CCDC171: variants seen among roughly 807,000 people sequenced by gnomAD.
CCDC171 encodes coiled-coil domain containing 171.
CCDC171 carries 177 observed loss-of-function variants against 168.2 expected under a neutral mutation model. That is an observed-to-expected ratio of 1.05 (90% CI 0.93 to 1.19). The LOEUF (loss-of-function observed/expected upper bound fraction) is 1.19, where lower values mean the gene tolerates loss of function less well. Among genes scored for constraint, CCDC171 ranks in the 50% most tolerant of loss-of-function variants. CCDC171 has a pLI of 0.00. For synonymous variants in CCDC171, 687 were observed against 540.8 expected, an observed-to-expected ratio of 1.27 and a Z score of -3.75; for missense variants, 1,991 against 1,539.0, an observed-to-expected ratio of 1.29 and a Z score of -4.91.
At chr9:16,077,197 C>T in the CCDC171 span, among the ~76,000 whole-genome samples, 1 of 152,070 alleles carries the variant, frequency 6.6e-6, no homozygotes, top group African/African-American at 2.4e-5. Flanking sequence ...GAGGTGGTGT[C>T]ATGGAATCTA....
In CCDC171 at chr9:15,848,882, A is replaced by C. The variant is rs201157516; in HGVS notation, c.3414-11A>C. The stretch of plus-strand genomic sequence containing the variant: ...GAGTTTTACTAACACTTAATCTTTT[A>C]TTTTTTCTAGAGACAAAGAATGTGT... On this transcript the variant is annotated splice_polypyrimidine_tract_variant and intron_variant, in intron 22 of 25. Transcript: ENST00000380701. The C allele has an allele frequency of 6.6e-7, 1 of 1,523,438 alleles. No individual in the cohort carries two copies. Among genetic ancestry groups the C allele is most frequent in the African/African-American group, 1.4e-5 (1 of 72,060 alleles). The allele number at this position is 1,523,438 out of a possible 1,614,324, so 94.4% of individuals were successfully genotyped here.
chr9:15,851,029 T>C (rs936525245), intron 23 of CCDC171, among the ~76,000 whole-genome samples: 1 of 152,056 alleles, frequency 6.6e-6, no homozygotes, highest in South Asian at 2.1e-4. Context: ...AGTTGAATTT[T>C]AATACTAACT....
chr9:15,925,540 C>G (rs1261093763), intron 25 of CCDC171, among the ~76,000 whole-genome samples: 1 of 151,534 alleles, frequency 6.6e-6, no homozygotes. Flanking sequence ...GAGGAATGAG[C>G]TCAGATTTGC....
At chr9:15,881,376 G>T (rs933986316) in intron 24 of CCDC171, among the ~76,000 whole-genome samples, 6 of 151,948 alleles carry the variant, frequency 3.9e-5, no homozygotes, top group Non-Finnish European at 8.8e-5. Flanking sequence ...CATGGTTTTA[G>T]GGTACATGTG....
At chr9:15,956,038 C>T (rs897747235) in intron 25 of CCDC171, among the ~76,000 whole-genome samples, 2 of 152,142 alleles carry the variant, frequency 1.3e-5, no homozygotes, top group Admixed American at 1.3e-4. Flanking sequence ...GGGCAATTTC[C>T]TAATTACTTA....
intron 11 of CCDC171, among the ~76,000 whole-genome samples, chr9:15,704,866 C>G (rs993843662): frequency 3.9e-5 from 6 of 152,066 alleles, no homozygotes; most frequent in Admixed American, 2.0e-4. Flanking sequence ...ATGCCTCTAA[C>G]CCTGGCCTTC....
chr9:15,618,458 G>A (rs866159463), intron 6 of CCDC171, among the ~76,000 whole-genome samples: 1 of 152,314 alleles, frequency 6.6e-6, no homozygotes, highest in South Asian at 2.1e-4. Flanking sequence ...GCTAGGCTCC[G>A]TGGGAGTGGG....
chr9:16,020,023 A>G (rs1833119887), intron 3 of CCDC171, among the ~76,000 whole-genome samples: 1 of 152,242 alleles, frequency 6.6e-6, no homozygotes, highest in South Asian at 2.1e-4. Flanking sequence ...CAAGAACCCC[A>G]GTGGAAGCTT....
intron 11 of CCDC171, among the ~76,000 whole-genome samples, chr9:15,697,765 G>A (rs995061317): frequency 6.6e-6 from 1 of 152,202 alleles, no homozygotes; most frequent in Non-Finnish European, 1.5e-5. Flanking sequence ...TGCTGGTGGA[G>A]AGTCTTGCCT....
chr9:16,084,923 C>T, the CCDC171 span, among the ~76,000 whole-genome samples: 16 of 152,296 alleles, frequency 1.1e-4, no homozygotes, highest in South Asian at 3.1e-3. Context: ...GGGCCTTGAC[C>T]AACTCACTTA....
chr9:15,553,696 G>C (rs979772243), intron 1 of CCDC171: 1 of 152,182 alleles, frequency 6.6e-6, no homozygotes, highest in Non-Finnish European at 1.5e-5. Flanking sequence ...ACAGATGTTT[G>C]ATAAACGGGA....
intron 23 of CCDC171, among the ~76,000 whole-genome samples, chr9:15,867,546 T>A (rs2061842607): frequency 1.3e-5 from 2 of 152,044 alleles, no homozygotes; most frequent in South Asian, 4.1e-4. Context: ...TTAACACAGC[T>A]GGCTTGCTGA....
At chr9:15,927,060 C>T (rs540913810) in intron 25 of CCDC171, among the ~76,000 whole-genome samples, 1 of 151,664 alleles carries the variant, frequency 6.6e-6, no homozygotes, top group Non-Finnish European at 1.5e-5. Flanking sequence ...AAACATATGT[C>T]ATGTCATTGT....
At chr9:15,957,430 C>T (rs1165721572) in intron 25 of CCDC171, among the ~76,000 whole-genome samples, 2 of 152,170 alleles carry the variant, frequency 1.3e-5, no homozygotes, top group Non-Finnish European at 2.9e-5. Flanking sequence ...GTCTCACTTT[C>T]TCCCTCATTG....
intron 24 of CCDC171, among the ~76,000 whole-genome samples, chr9:15,900,059 A>G (rs1280961247): frequency 6.6e-6 from 1 of 152,210 alleles, no homozygotes; most frequent in Non-Finnish European, 1.5e-5. Flanking sequence ...TGCAGTAATC[A>G]GAATTCTAAG....
At chr9:15,602,642 TTTTTC>T (rs1352921015) in intron 6 of CCDC171, among the ~76,000 whole-genome samples, 11 of 36,944 alleles carry the variant, frequency 3.0e-4, no homozygotes, top group African/African-American at 1.0e-3. Flanking sequence ...CTTTTTTTTT[TTTTTC>T]TTTTTTTTTT....
At chr9:15,945,896 T>G (rs1404401465) in intron 25 of CCDC171, among the ~76,000 whole-genome samples, 1 of 150,368 alleles carries the variant, frequency 6.7e-6, no homozygotes, top group South Asian at 2.1e-4. Context: ...TAGATCCCAT[T>G]TGTCAATTTT....
intron 7 of CCDC171, among the ~76,000 whole-genome samples, chr9:15,650,152 A>G (rs1028656598): frequency 2.0e-5 from 3 of 152,184 alleles, no homozygotes; most frequent in East Asian, 1.9e-4. Context: ...TGCAAGGACA[A>G]AAAACCAAAC....
At chr9:15,693,330 A>G (rs2050963177) in intron 10 of CCDC171, among the ~76,000 whole-genome samples, 1 of 152,148 alleles carries the variant, frequency 6.6e-6, no homozygotes, top group Non-Finnish European at 1.5e-5. Flanking sequence ...TTCATTGATG[A>G]AGGGCATCCT....
Sources: allele counts gnomAD v4.1 joint callset (sites outside exome capture counted in the v4.1 genomes callset), GRCh38; gene constraint gnomAD v4.1.1; transcripts MANE v1.5; gene names NCBI Gene and HGNC (gene_info 2026-07-23, HGNC 2026-07-21).